Variants in AGBL4 observed in about 807,000 individuals in gnomAD.
AGBL4 encodes AGBL carboxypeptidase 4.
In AGBL4, 58 loss-of-function variants were observed where a neutral mutation model predicts 66.4. The ratio of observed to expected loss-of-function variants is 0.87; its 90% CI spans 0.71 to 1.09. AGBL4 has a LOEUF of 1.09. Ranked by LOEUF, AGBL4 falls within the 50% of genes least tolerant of loss-of-function variation. The pLI is 0.00. For synonymous variants in AGBL4, 234 were observed against 222.9 expected, an observed-to-expected ratio of 1.05 and a Z score of -0.44; for missense variants, 579 against 631.0, an observed-to-expected ratio of 0.92 and a Z score of 0.88.
chr1:49,323,573 C>T (rs1308423559), intron 3 of AGBL4, among the ~76,000 whole-genome samples: 1 of 151,372 alleles, frequency 6.6e-6, no homozygotes, highest in Non-Finnish European at 1.5e-5. Context: ...CTAGGATTAG[C>T]CACACAGGAC....
chr1:49,068,466 T>TGA (rs1197376238), intron 4 of AGBL4, among the ~76,000 whole-genome samples: 2 of 148,608 alleles, frequency 1.3e-5, no homozygotes, highest in Non-Finnish European at 1.5e-5. Context: ...CATTTATGAG[T>TGA]GAGAACATGA....
At chr1:49,136,399 A>G (rs1335202402) in intron 4 of AGBL4, among the ~76,000 whole-genome samples, 1 of 152,216 alleles carries the variant, frequency 6.6e-6, no homozygotes. Context: ...GAATTCAAAT[A>G]TAGACCCTTC....
At chr1:48,582,702 T>C (rs1286173739) in intron 11 of AGBL4, among the ~76,000 whole-genome samples, 2 of 152,156 alleles carry the variant, frequency 1.3e-5, no homozygotes, top group Non-Finnish European at 2.9e-5. Context: ...CCAATAACCA[T>C]GCAAAGTGAG....
At chr1:48,744,464 C>T (rs933886653) in intron 6 of AGBL4, among the ~76,000 whole-genome samples, 3 of 152,042 alleles carry the variant, frequency 2.0e-5, no homozygotes, top group Non-Finnish European at 4.4e-5. Flanking sequence ...GCTGAGTTGG[C>T]GTGTGAAGTC....
intron 11 of AGBL4, among the ~76,000 whole-genome samples, chr1:48,565,681 A>G (rs1176997539): frequency 1.3e-5 from 2 of 152,176 alleles, no homozygotes; most frequent in African/African-American, 4.8e-5. Flanking sequence ...GACCCTCCAC[A>G]TCTACCAGCT....
At chr1:49,905,505 T>C (rs1299879413) in intron 1 of AGBL4, among the ~76,000 whole-genome samples, 1 of 152,108 alleles carries the variant, frequency 6.6e-6, no homozygotes, top group African/African-American at 2.4e-5. Context: ...GTTCAGACTA[T>C]GAAAGGAAGT....
intron 3 of AGBL4, among the ~76,000 whole-genome samples, chr1:49,458,038 C>T (rs1646429276): frequency 6.6e-6 from 1 of 150,718 alleles, no homozygotes. Context: ...GTTTTTGGCT[C>T]GTTTTTGGCT....
intron 4 of AGBL4, among the ~76,000 whole-genome samples, chr1:49,070,635 A>G (rs1644583446): frequency 6.6e-6 from 1 of 152,114 alleles, no homozygotes; most frequent in South Asian, 2.1e-4. Flanking sequence ...TTGGTTTGCC[A>G]GTATTTTATT....
At chr1:49,914,576 A>C (rs1304812995) in intron 1 of AGBL4, among the ~76,000 whole-genome samples, 3 of 152,162 alleles carry the variant, frequency 2.0e-5, no homozygotes, top group Non-Finnish European at 4.4e-5. Flanking sequence ...TGCTTCTTTT[A>C]TGGCAATACA....
intron 2 of AGBL4, chr1:49,844,858 A>G (rs1375952484): frequency 3.3e-6 from 5 of 1,499,608 alleles, no homozygotes; most frequent in Non-Finnish European, 4.6e-6. Flanking sequence ...GAGCCTAGAG[A>G]GCCTGGCAGT....
intron 4 of AGBL4, among the ~76,000 whole-genome samples, chr1:49,134,474 GGCC>G (rs1309668165): frequency 0.012 from 201 of 16,960 alleles, 2 homozygotes; most frequent in Admixed American, 0.032. Context: ...CATTTTGGAG[GGCC>G]CCCCCCCCCC....
chr1:48,607,392 C>T (rs1048023819), intron 9 of AGBL4, among the ~76,000 whole-genome samples: 6 of 151,812 alleles, frequency 4.0e-5, no homozygotes, highest in South Asian at 2.1e-4. Context: ...CTGAGGCGGG[C>T]GGATCACCTG....
intron 6 of AGBL4, among the ~76,000 whole-genome samples, chr1:48,744,908 C>T (rs1336169576): frequency 1.3e-5 from 2 of 152,218 alleles, no homozygotes; most frequent in Non-Finnish European, 2.9e-5. Context: ...CTGAACACTA[C>T]CTCATCTGTC....
chr1:49,944,382 T>G (rs1252381021), intron 1 of AGBL4, among the ~76,000 whole-genome samples: 1 of 152,100 alleles, frequency 6.6e-6, no homozygotes. Flanking sequence ...CAGGACTCTG[T>G]GCAGACAACC....
intron 3 of AGBL4, among the ~76,000 whole-genome samples, chr1:49,649,130 T>C (rs186082851): frequency 2.6e-4 from 40 of 152,250 alleles, no homozygotes; most frequent in African/African-American, 9.6e-4. Flanking sequence ...AATGATTACA[T>C]TGAGTGCCAA....
At chr1:49,329,296 G>A (rs1386670742) in intron 3 of AGBL4, among the ~76,000 whole-genome samples, 2 of 151,956 alleles carry the variant, frequency 1.3e-5, no homozygotes, top group Admixed American at 1.3e-4. Context: ...GACAGAGGGA[G>A]ATTCCGTCTC....
At chr1:49,940,224 A>G (rs2148290435) in intron 1 of AGBL4, among the ~76,000 whole-genome samples, 1 of 152,332 alleles carries the variant, frequency 6.6e-6, no homozygotes, top group Non-Finnish European at 1.5e-5. Flanking sequence ...GAGGATGTGG[A>G]GAAATAGGAA....
At chr1:48,823,929 G>A (rs778208110) in intron 6 of AGBL4, among the ~76,000 whole-genome samples, 3 of 152,056 alleles carry the variant, frequency 2.0e-5, no homozygotes, top group Admixed American at 6.6e-5. Context: ...TATCAGAATC[G>A]TTACCAGGAA....
chr1:48,719,511 A>C (rs2148530138), intron 6 of AGBL4, among the ~76,000 whole-genome samples: 1 of 152,166 alleles, frequency 6.6e-6, no homozygotes, highest in African/African-American at 2.4e-5. Context: ...ACAAAGCCCC[A>C]CCCTTCAGTG....
Sources: allele counts gnomAD v4.1 joint callset (sites outside exome capture counted in the v4.1 genomes callset), GRCh38; gene constraint gnomAD v4.1.1; transcripts MANE v1.5; gene names NCBI Gene and HGNC (gene_info 2026-07-23, HGNC 2026-07-21).